DNM3: variants seen among roughly 807,000 people sequenced by gnomAD.
DNM3 encodes the protein dynamin 3.
Under a neutral mutation model 101.6 loss-of-function variants are expected in DNM3, and 47 were observed. The observed-to-expected ratio is 0.46, with a 90% CI of 0.37 to 0.59. DNM3 has a LOEUF of 0.59. DNM3 is among the 20% of genes least tolerant of loss of function. The probability of loss-of-function intolerance (pLI) is 0.00; values close to 1 mark genes in which losing one functional copy is unlikely to be tolerated. For synonymous variants in DNM3, 385 were observed against 387.9 expected (o/e 0.99, Z 0.09); for missense variants, 849 against 1,085.7 (o/e 0.78, Z 3.06).
intron 14 of DNM3, among the ~76,000 whole-genome samples, chr1:172,239,797 TC>T (rs1342298264): frequency 4.6e-4 from 20 of 43,680 alleles, no homozygotes; most frequent in Middle Eastern, 8.3e-3. Flanking sequence ...TCTTTTTTTT[TC>T]TCTTTTTTTT....
At chr1:171,899,260 A>G (rs769330087) in intron 1 of DNM3, among the ~76,000 whole-genome samples, 5 of 152,168 alleles carry the variant, frequency 3.3e-5, no homozygotes, top group Non-Finnish European at 7.3e-5. Context: ...TCCTTTTGAA[A>G]GCTCTATTGT....
chr1:172,115,580 C>T (rs565302918), intron 13 of DNM3, among the ~76,000 whole-genome samples: 2 of 152,164 alleles, frequency 1.3e-5, no homozygotes, highest in Non-Finnish European at 2.9e-5. Flanking sequence ...TCCTAAGGCT[C>T]CTCCCCCTCT....
intron 17 of DNM3, among the ~76,000 whole-genome samples, chr1:172,367,849 T>G (rs2068102367): frequency 6.6e-6 from 1 of 151,870 alleles, no homozygotes; most frequent in African/African-American, 2.4e-5. Context: ...TTCTTATAAT[T>G]CCCATATGTC....
chr1:172,095,606 AC>A (rs889162262), intron 13 of DNM3, among the ~76,000 whole-genome samples: 3 of 152,050 alleles, frequency 2.0e-5, no homozygotes, highest in Admixed American at 2.0e-4. Context: ...TTTGGGGCCC[AC>A]CCTTCCGACT....
intron 2 of DNM3, among the ~76,000 whole-genome samples, chr1:171,953,254 AT>A (rs1482436176): frequency 6.6e-6 from 1 of 151,952 alleles, no homozygotes; most frequent in African/African-American, 2.4e-5. Context: ...CTTTGCTGCT[AT>A]TTTTTTCCTT....
intron 17 of DNM3, among the ~76,000 whole-genome samples, chr1:172,334,333 C>G (rs1191550345): frequency 1.3e-5 from 2 of 152,082 alleles, no homozygotes; most frequent in African/African-American, 4.8e-5. Context: ...CTCCAGGGAA[C>G]TTTTGGTAAT....
chr1:172,218,901 C>T (rs758059857), intron 14 of DNM3, among the ~76,000 whole-genome samples: 4 of 152,044 alleles, frequency 2.6e-5, no homozygotes, highest in East Asian at 1.9e-4. Flanking sequence ...AGGGTTGGAG[C>T]GGGAGACTTG....
At chr1:172,301,989 T>C (rs1442824474) in intron 15 of DNM3, among the ~76,000 whole-genome samples, 1 of 152,184 alleles carries the variant, frequency 6.6e-6, no homozygotes, top group East Asian at 1.9e-4. Flanking sequence ...TGATTTCTGC[T>C]TTTCCAACTG....
chr1:172,129,252 G>A (rs1572635195), intron 13 of DNM3, among the ~76,000 whole-genome samples: 1 of 152,138 alleles, frequency 6.6e-6, no homozygotes, highest in East Asian at 1.9e-4. Flanking sequence ...GGAAAATAAA[G>A]TTTGATTGTA....
chr1:172,199,912 G>A (rs958738260), intron 14 of DNM3, among the ~76,000 whole-genome samples: 2 of 149,060 alleles, frequency 1.3e-5, no homozygotes, highest in Non-Finnish European at 3.0e-5. Flanking sequence ...TACATTCCAG[G>A]TTAGTATTGA....
At chr1:171,887,666 CG>C (rs1459949658) in intron 1 of DNM3, among the ~76,000 whole-genome samples, 2 of 151,736 alleles carry the variant, frequency 1.3e-5, no homozygotes, top group Admixed American at 6.6e-5. Flanking sequence ...AATTCTTTCA[CG>C]TGGTTCAAAA....
intron 1 of DNM3, among the ~76,000 whole-genome samples, chr1:171,907,264 G>A (rs1053021993): frequency 5.9e-5 from 9 of 152,172 alleles, no homozygotes; most frequent in Non-Finnish European, 1.0e-4. Flanking sequence ...GGCTGAGGCG[G>A]GCAGATCACC....
chr1:172,395,181 T>A (rs909345885), intron 20 of DNM3, among the ~76,000 whole-genome samples: 1 of 151,656 alleles, frequency 6.6e-6, no homozygotes, highest in Non-Finnish European at 1.5e-5. Context: ...CAATTTTTTT[T>A]TTTTTTTTTT....
chr1:172,299,075 C>T (rs767697013), intron 15 of DNM3, among the ~76,000 whole-genome samples: 2 of 152,040 alleles, frequency 1.3e-5, no homozygotes, highest in Non-Finnish European at 2.9e-5. Flanking sequence ...AGTTGAAATC[C>T]CAAGATAGAG....
At chr1:172,284,042 G>A (rs2063602416) in intron 15 of DNM3, among the ~76,000 whole-genome samples, 1 of 152,074 alleles carries the variant, frequency 6.6e-6, no homozygotes, top group African/African-American at 2.4e-5. Context: ...ATTAAATCCA[G>A]GAAAATGTGG....
intron 17 of DNM3, among the ~76,000 whole-genome samples, chr1:172,345,985 C>CT (rs2066910759): frequency 6.6e-6 from 1 of 151,698 alleles, no homozygotes; most frequent in Non-Finnish European, 1.5e-5. Flanking sequence ...GCCGGGCGTG[C>CT]TTGTGGGCGT....
intron 14 of DNM3, among the ~76,000 whole-genome samples, chr1:172,233,771 C>G (rs951978489): frequency 3.3e-5 from 5 of 152,152 alleles, no homozygotes; most frequent in Non-Finnish European, 7.3e-5. Flanking sequence ...AGCATATAAA[C>G]AGAACCAACG....
chr1:172,071,487 G>A (rs913287298), intron 11 of DNM3, among the ~76,000 whole-genome samples: 1 of 152,038 alleles, frequency 6.6e-6, no homozygotes, highest in African/African-American at 2.4e-5. Flanking sequence ...GGGACCATGT[G>A]GTACTTTTAA....
chr1:172,130,412 A>T (rs1479355243), intron 13 of DNM3, among the ~76,000 whole-genome samples: 1 of 152,284 alleles, frequency 6.6e-6, no homozygotes, highest in East Asian at 1.9e-4. Flanking sequence ...TCCTTAAATT[A>T]TATAAATACT....
Sources: allele counts gnomAD v4.1 joint callset (sites outside exome capture counted in the v4.1 genomes callset), GRCh38; gene constraint gnomAD v4.1.1; transcripts MANE v1.5; gene names NCBI Gene and HGNC (gene_info 2026-07-23, HGNC 2026-07-21).